Variants in MYOCD observed in about 807,000 individuals in gnomAD.
The protein encoded by MYOCD is myocardin.
In MYOCD, 32 loss-of-function variants were observed where a neutral mutation model predicts 96.1. That is an observed-to-expected ratio of 0.33 (90% CI 0.25 to 0.45). The LOEUF (loss-of-function observed/expected upper bound fraction) is 0.45. Ranked by LOEUF, MYOCD falls within the 20% of genes least tolerant of loss-of-function variation. MYOCD has a pLI of 1.00. For synonymous variants in MYOCD, 469 were observed against 469.0 expected, an observed-to-expected ratio of 1.00 and a Z score of 0.00; for missense variants, 1,133 against 1,200.6, an observed-to-expected ratio of 0.94 and a Z score of 0.83.
chr17:12,736,695 C>T (rs2032355751), intron 6 of MYOCD, among the ~76,000 whole-genome samples: 1 of 152,192 alleles, frequency 6.6e-6, no homozygotes, highest in Non-Finnish European at 1.5e-5. Context: ...AGTGCCAGAG[C>T]AGGACTGATT....
intron 1 of MYOCD, among the ~76,000 whole-genome samples, chr17:12,687,056 C>T (rs1203881080): frequency 6.6e-6 from 1 of 152,164 alleles, no homozygotes; most frequent in African/African-American, 2.4e-5. Flanking sequence ...AAAAATAGCA[C>T]ACCGAAGTTG....
chr17:12,667,026 T>G (rs1315605326), intron 1 of MYOCD, among the ~76,000 whole-genome samples: 1 of 152,224 alleles, frequency 6.6e-6, no homozygotes, highest in Non-Finnish European at 1.5e-5. Flanking sequence ...AGTAGCTCTG[T>G]GTATAATGTT....
chr17:12,742,592 G>A (rs1364370222), intron 7 of MYOCD, among the ~76,000 whole-genome samples: 1 of 150,294 alleles, frequency 6.7e-6, no homozygotes, highest in African/African-American at 2.4e-5. Context: ...TTTTTTTGAG[G>A]CGGAGTCTCG....
At chr17:12,673,422 A>C (rs1909820378) in intron 1 of MYOCD, among the ~76,000 whole-genome samples, 1 of 152,212 alleles carries the variant, frequency 6.6e-6, no homozygotes, top group African/African-American at 2.4e-5. Flanking sequence ...GTTTATACTC[A>C]GCCTTTTTAT....
Position 12,695,947 on chromosome 17 carries a change from A to G in MYOCD, c.56-9181A>G, listed in dbSNP as rs114420877. ...ATAAGTGGATTCATATAGTGTTTCT[A>G]CTTTTGTAATTGGCTTATCTCACTC... On this transcript the variant is annotated intron_variant, in intron 1 of 13. Coordinates refer to ENST00000425538, the MANE Select transcript of MYOCD (RefSeq NM_001146312.3). Among the ~76,000 whole-genome samples, 1,119 of 148,718 alleles carry G rather than the reference A, an allele frequency of 7.5e-3. 16 individuals carry two copies. The highest frequency in any genetic ancestry group is 0.026 in the African/African-American group (1,054 of 40,174).
intron 7 of MYOCD, among the ~76,000 whole-genome samples, chr17:12,742,975 C>T (rs1442089216): frequency 2.0e-5 from 3 of 152,128 alleles, no homozygotes; most frequent in South Asian, 2.1e-4. Context: ...ATTACCTGTT[C>T]ATTGACTACC....
intron 1 of MYOCD, among the ~76,000 whole-genome samples, chr17:12,698,710 T>C (rs1249970789): frequency 6.6e-6 from 1 of 151,274 alleles, no homozygotes; most frequent in Non-Finnish European, 1.5e-5. Context: ...CAAAGAAATT[T>C]TGTCTCCTAC....
intron 10 of MYOCD, among the ~76,000 whole-genome samples, chr17:12,754,508 C>T (rs553934757): frequency 1.0e-3 from 159 of 152,208 alleles, no homozygotes; most frequent in Admixed American, 3.3e-3. Context: ...TGAAGGCAAA[C>T]GAGAAATAGC....
At chr17:12,754,815 C>A (rs1468564479) in intron 10 of MYOCD, among the ~76,000 whole-genome samples, 1 of 152,208 alleles carries the variant, frequency 6.6e-6, no homozygotes, top group African/African-American at 2.4e-5. Flanking sequence ...AAGTGCCAAG[C>A]ATTACAAGGC....
intron 1 of MYOCD, among the ~76,000 whole-genome samples, chr17:12,677,951 G>A (rs531443427): frequency 6.9e-6 from 1 of 144,454 alleles, no homozygotes; most frequent in East Asian, 2.1e-4. Flanking sequence ...GGAGTGCAGT[G>A]GCAACATCTT....
intron 5 of MYOCD, among the ~76,000 whole-genome samples, chr17:12,724,856 C>T (rs187777427): frequency 1.3e-3 from 199 of 152,120 alleles, no homozygotes; most frequent in Non-Finnish European, 2.2e-3. Flanking sequence ...TTCATGGCTA[C>T]TCTTGCAAGT....
intron 9 of MYOCD, among the ~76,000 whole-genome samples, chr17:12,750,681 T>G (rs915204229): frequency 1.3e-5 from 2 of 152,060 alleles, no homozygotes; most frequent in African/African-American, 4.8e-5. Flanking sequence ...AGAGCAAGAC[T>G]CCGCCTCAAA....
At chr17:12,674,874 C>A in intron 1 of MYOCD, among the ~76,000 whole-genome samples, 1 of 152,082 alleles carries the variant, frequency 6.6e-6, no homozygotes, top group East Asian at 1.9e-4. Flanking sequence ...CTTTTCATCT[C>A]AGTGTAGGAC....
At chr17:12,708,626 C>G (rs184599584) in intron 2 of MYOCD, among the ~76,000 whole-genome samples, 1 of 152,052 alleles carries the variant, frequency 6.6e-6, no homozygotes, top group African/African-American at 2.4e-5. Flanking sequence ...CTCCTGACTT[C>G]GTGATCCACC....
intron 3 of MYOCD, 51 bp from the exon 4 acceptor site, chr17:12,717,295 G>C: frequency 7.6e-7 from 1 of 1,310,376 alleles, no homozygotes; most frequent in African/African-American, 1.5e-5. Flanking sequence ...GAGATAAATT[G>C]AGTTTTTTAA....
chr17:12,755,159 A>G (rs2032975242), intron 10 of MYOCD, among the ~76,000 whole-genome samples: 1 of 152,208 alleles, frequency 6.6e-6, no homozygotes, highest in Admixed American at 6.5e-5. Context: ...ACAAACATTT[A>G]TTGAGTGTGT....
rs1200156952 is a variant in MYOCD at position 12,766,237 on chromosome 17, AT to A, written c.*2599del. On this transcript the variant is annotated 3_prime_UTR_variant, in exon 14 of 14. Coordinates refer to ENST00000425538, the MANE Select transcript of MYOCD (RefSeq NM_001146312.3). ...TGAGACCTGGGACTGAGTGTTAATTATTTTTTCCTTGGGTATTTCTATCTGA... is the reference window on the plus strand; with the variant it reads ...TGAGACCTGGGACTGAGTGTTAATTATTTTTCCTTGGGTATTTCTATCTGA... 6.6e-6 allele frequency: 1 copy of A among 151,950 alleles called. No homozygotes were observed. Among genetic ancestry groups the A allele is most frequent in the African/African-American group, 2.4e-5 (1 of 41,364 alleles). 9.4% of individuals were successfully genotyped at this position (151,950 alleles called of 1,614,324 possible). A position where few individuals can be genotyped will look rare whatever the true frequency, so the allele number is the denominator to read the frequency against.
intron 5 of MYOCD, among the ~76,000 whole-genome samples, chr17:12,735,092 A>G (rs1597792569): frequency 6.6e-6 from 1 of 152,274 alleles, no homozygotes; most frequent in African/African-American, 2.4e-5. Context: ...CATTTGTTCC[A>G]TTACTTCCAG....
Position 12,722,990 on chromosome 17 carries a change from G to C in MYOCD, c.397G>C (p.Val133Leu). ...AAACATTCTTCCTGTGGATTCTGCTGTGAAAGAGGCCATAAAAGGTAGTTA... is the reference window on the plus strand; with the variant it reads ...AAACATTCTTCCTGTGGATTCTGCTCTGAAAGAGGCCATAAAAGGTAGTTA... ...EKNILPVDSA[V>L]KEAIKGNQVS... Residue 133 changes from valine to leucine, a missense_variant, in exon 5 of 14, where the codon GTG becomes CTG. Transcript: ENST00000425538. The C allele has an allele frequency of 1.2e-6, 2 of 1,613,866 alleles. No homozygotes were observed. The highest frequency in any genetic ancestry group is 1.7e-6 in the Non-Finnish European group (2 of 1,179,890).
Sources: gnomAD v4.1 joint callset for allele counts (sites outside exome capture counted in the v4.1 genomes callset) on GRCh38, gnomAD v4.1.1 for gene constraint, MANE v1.5 for transcripts, NCBI Gene and HGNC (gene_info 2026-07-23, HGNC 2026-07-21) for gene names.